Variants in SKIDA1 observed in about 807,000 individuals in gnomAD.
SKIDA1 encodes the protein SKI/DACH domain containing 1.
A neutral mutation model predicts 51.4 loss-of-function variants in SKIDA1; 18 were observed. The observed-to-expected ratio is 0.35, with a 90% confidence interval of 0.24 to 0.52. The LOEUF (loss-of-function observed/expected upper bound fraction) is 0.52. SKIDA1 is among the 20% of genes least tolerant of loss of function. The pLI is 0.95. For synonymous variants in SKIDA1, 579 were observed against 500.5 expected (o/e 1.16, Z -2.09); for missense variants, 1,104 against 1,180.6 (o/e 0.94, Z 0.95).
rs1443483984 is a variant in SKIDA1 at position 21,518,826 on chromosome 10, C to T, written c.-1004G>A. ...CGTGAACCACCCCAGTGCGGACTTA[C>T]GTTTGGAATTTCTCTCGATTTTCCT... On this transcript the variant is annotated 5_prime_UTR_variant, in exon 4 of 4. Transcript: ENST00000449193. 4.3e-5 allele frequency: 7 copies of T among 162,500 alleles called. No individual in the cohort carries two copies. Among genetic ancestry groups the T allele is most frequent in the Admixed American group, 4.1e-4 (6 of 14,784 alleles). The allele number at this position is 162,500 out of a possible 1,614,324, so 10.1% of individuals were successfully genotyped here. A position where few individuals can be genotyped will look rare whatever the true frequency, so the allele number is the denominator to read the frequency against.
chr10:21,523,617 T>C (rs978813710), intron 2 of SKIDA1, 66 bp downstream of exon 2: 1 of 152,220 alleles, frequency 6.6e-6, no homozygotes, highest in Non-Finnish European at 1.5e-5. Context: ...CCCAAGTTTT[T>C]GTTTATTTTA....
chr10:21,517,229 G>A lies in SKIDA1; in HGVS notation c.594C>T (p.Ala198=). Residue 198 remains alanine (A), a synonymous_variant, in exon 4 of 4, where the codon GCC becomes GCT. Coordinates refer to ENST00000449193, the MANE Select transcript of SKIDA1 (RefSeq NM_207371.4). This position sits in a 1 kb window ranked among gnomAD's most constrained non-coding sequence, Gnocchi z 6.9. ...PCKPPLNYET[A]PLQGNYVAFP... ...AGGCGACGTAGTTTCCCTGGAGCGGGGCAGTTTCATAGTTTAGAGGGGGTT... is the reference window on the plus strand; with the variant it reads ...AGGCGACGTAGTTTCCCTGGAGCGGAGCAGTTTCATAGTTTAGAGGGGGTT... The A allele has an allele frequency of 1.4e-6, 2 of 1,464,948 alleles. No individual in the cohort carries two copies. Among genetic ancestry groups the A allele is most frequent in the Non-Finnish European group, 1.8e-6 (2 of 1,103,718 alleles). 90.7% of individuals were successfully genotyped at this position (1,464,948 alleles called of 1,614,324 possible). A position where few individuals can be genotyped will look rare whatever the true frequency, so the allele number is the denominator to read the frequency against.
rs777960361 is a variant in SKIDA1, at chr10:21,516,117, A to C, written c.1706T>G (p.Leu569Arg). 8 of 1,614,042 alleles carry C rather than the reference A, an allele frequency of 5.0e-6. No individual in the cohort carries two copies. The East Asian group carries it at 1.8e-4, about 36-fold the overall frequency. Reference protein sequence around the residue: ...EISNAVKRTDLTINCLAEGAS... With the variant: ...EISNAVKRTDRTINCLAEGAS... ...CCCCTCTGCCAGGCAGTTAATTGTC[A>C]GGTCAGTTCTCTTTACAGCATTGGA... The change falls in exon 4 of 4, where the codon CTG becomes CGG. Residue 569 changes from leucine (L) to arginine (R), a missense_variant. Physicochemically the swap from Leu to Arg is moderately radical, Grantham distance 102. Transcript: ENST00000449193. This position sits in a 1 kb window ranked among gnomAD's most constrained non-coding sequence, Gnocchi z 5.7.
chr10:21,517,289 G>T lies in SKIDA1; in HGVS notation c.534C>A (p.Gly178=), dbSNP rs2032270648. ...AGCGCACGATCTCCGGGTAGTGCGA[G>T]CCGGGGTATTTGCTAAAAATCTGAG... ...HLPQIFSKYP[G]SHYPEIVRSP... is the part of the protein sequence containing the mutation. Residue 178 remains glycine (G), a synonymous_variant, in exon 4 of 4, where the codon GGC becomes GGA. Coordinates refer to ENST00000449193, the MANE Select transcript of SKIDA1 (RefSeq NM_207371.4). This position sits in a 1 kb window ranked among gnomAD's most constrained non-coding sequence, Gnocchi z 6.9. The T allele has an allele frequency of 2.7e-6, 4 of 1,467,842 alleles. No individual in the cohort carries two copies. The highest frequency in any genetic ancestry group is 3.6e-6 in the Non-Finnish European group (4 of 1,107,364). 90.9% of individuals were successfully genotyped at this position (1,467,842 alleles called of 1,614,324 possible). A position where few individuals can be genotyped will look rare whatever the true frequency, so the allele number is the denominator to read the frequency against.
rs1564332950 is a variant in SKIDA1 at position 21,515,874 on chromosome 10, G to C, written c.1949C>G (p.Ser650Cys). The C allele has an allele frequency of 1.2e-6, 2 of 1,614,072 alleles. No individual in the cohort carries two copies. The highest frequency in any genetic ancestry group is 1.1e-5 in the South Asian group (1 of 91,082). The change falls in exon 4 of 4, where the codon TCT becomes TGT. Residue 650 changes from serine to cysteine, a missense_variant. By Grantham distance (112) the Ser-to-Cys change is moderately radical. Transcript: ENST00000449193. ...HCPEFATDLPSSQTDPEVNAA... is the reference protein window; with the variant it reads ...HCPEFATDLPCSQTDPEVNAA... ...GTTCACTTCAGGATCAGTCTGCGAA[G>C]AGGGCAAATCCGTAGCAAATTCAGG...
chr10:21,519,832 A>G (rs2032343318), intron 3 of SKIDA1, among the ~76,000 whole-genome samples, 174 bp from the exon 4 acceptor site: 1 of 150,586 alleles, frequency 6.6e-6, no homozygotes, highest in East Asian at 2.0e-4. Context: ...AATCTCGGCC[A>G]TAATTCCCCA....
Position 21,516,348 on chromosome 10 carries a change from G to C in SKIDA1, c.1475C>G (p.Ala492Gly), listed in dbSNP as rs1359865067. ...CTCGAAAGCAGCGGGTTTGGTTGCA[G>C]CGGCGGCGGAGGCCAGATGGTACAA... ...NFLYHLASAA[A>G]ATKPAAFEDA... is the part of the protein sequence containing the mutation. The change falls in exon 4 of 4, where the codon GCT becomes GGT. Residue 492 changes from alanine (A) to glycine (G), a missense_variant. Ala to Gly is a moderately conservative substitution (Grantham distance 60, BLOSUM62 0). This residue lies in a region of SKIDA1 where 938 missense variants were observed against 886.4 expected (regional missense o/e 1.06). Transcript: ENST00000449193. The surrounding 1 kb of genome is among the most constrained non-coding windows in gnomAD (Gnocchi z 5.7). 3.1e-6 allele frequency: 5 copies of C among 1,613,494 alleles called. No homozygotes were observed. The highest frequency in any genetic ancestry group is 4.2e-6 in the Non-Finnish European group (5 of 1,179,900).
chr10:21,515,875 A>C lies in SKIDA1; in HGVS notation c.1948T>G (p.Ser650Ala). The change falls in exon 4 of 4, where the codon TCT becomes GCT. Residue 650 changes from serine (S) to alanine (A), a missense_variant. By Grantham distance (99) the Ser-to-Ala change is moderately conservative. This residue lies in a region of SKIDA1 where 938 missense variants were observed against 886.4 expected (regional missense o/e 1.06). Transcript: ENST00000449193. ...HCPEFATDLP[S>A]SQTDPEVNAA... The stretch of plus-strand genomic sequence containing the variant: ...TTCACTTCAGGATCAGTCTGCGAAG[A>C]GGGCAAATCCGTAGCAAATTCAGGA... The C allele has an allele frequency of 1.9e-6, 3 of 1,614,080 alleles. No individual in the cohort carries two copies. The highest frequency in any genetic ancestry group is 2.5e-6 in the Non-Finnish European group (3 of 1,179,906).
intron 2 of SKIDA1, among the ~76,000 whole-genome samples, chr10:21,523,428 C>T (rs61850020): frequency 0.012 from 1,753 of 152,280 alleles, 16 homozygotes; most frequent in Non-Finnish European, 0.018. Context: ...AGCCACTTTT[C>T]CTACTGCAAC....
rs1310144470 is a variant in SKIDA1 at position 21,516,769 on chromosome 10, G to T, written c.1054C>A (p.Arg352=). The T allele has an allele frequency of 3.4e-5, 52 of 1,519,612 alleles. No homozygotes were observed. The highest frequency in any genetic ancestry group is 1.8e-5 in the Non-Finnish European group (20 of 1,134,270). The allele number at this position is 1,519,612 out of a possible 1,614,324, so 94.1% of individuals were successfully genotyped here. A position where few individuals can be genotyped will look rare whatever the true frequency, so the allele number is the denominator to read the frequency against. ...HHHHHHHHHH[R]AQPPQQSHHP... is the part of the protein sequence containing the mutation. ...TGACTCTGCTGCGGCGGCTGGGCCC[G>T]GTGGTGGTGGTGGTGGTGGTGATGG... Residue 352 remains arginine (R), a synonymous_variant, in exon 4 of 4, where the codon CGG becomes AGG. Transcript: ENST00000449193. This position sits in a 1 kb window ranked among gnomAD's most constrained non-coding sequence, Gnocchi z 5.7.
chr10:21,516,315 C>T lies in SKIDA1; in HGVS notation c.1508G>A (p.Gly503Asp). Residue 503 changes from glycine (G) to aspartate (D), a missense_variant, in exon 4 of 4, where the codon GGC becomes GAC. Physicochemically the swap from Gly to Asp is moderately conservative, Grantham distance 94. Around this residue, in one of 3 missense-constraint regions of SKIDA1, gnomAD observed 938 missense variants for 886.4 expected, o/e 1.06. Transcript: ENST00000449193. This position sits in a 1 kb window ranked among gnomAD's most constrained non-coding sequence, Gnocchi z 5.7. ...ATKPAAFEDA[G>D]RLPDLKSSVK... ...ACTACTCTTGAGGTCGGGAAGTCTG[C>T]CGGCATCCTCGAAAGCAGCGGGTTT... 1 of 1,613,678 alleles carries T rather than the reference C, an allele frequency of 6.2e-7. No homozygotes were observed. The highest frequency in any genetic ancestry group is 8.5e-7 in the Non-Finnish European group (1 of 1,179,880).
Position 21,514,922 on chromosome 10 carries a change from A to C in SKIDA1, c.*174T>G. ...ACCCCGCCCCCACCCTACTCCAGAA[A>C]AAAAAAAAAAAACCCGCAACGGAAA... On this transcript the variant is annotated 3_prime_UTR_variant, in exon 4 of 4. Transcript: ENST00000449193. 2 of 570,862 alleles carry C rather than the reference A, an allele frequency of 3.5e-6. No individual in the cohort carries two copies. Among genetic ancestry groups the C allele is most frequent in the Non-Finnish European group, 4.7e-6 (2 of 425,714 alleles). The allele number at this position is 570,862 out of a possible 1,614,324, so 35.4% of individuals were successfully genotyped here.
In SKIDA1 at chr10:21,524,357, G is replaced by A. The variant is rs555330992; in HGVS notation, c.-2117-486C>T. Among the ~76,000 whole-genome samples the A allele has an allele frequency of 3.2e-4, 48 of 152,184 alleles. No individual in the cohort carries two copies. The South Asian group carries it at 8.1e-3, about 26-fold the overall frequency. On this transcript the variant is annotated intron_variant, in intron 1 of 3. Transcript: ENST00000449193. The stretch of plus-strand genomic sequence containing the variant: ...ATCTGTCTAAGCAGCGCATTGCTAA[G>A]TATAAACTTAAAAAAATTTTTTTTT...
rs2032392633 is a variant in SKIDA1, at chr10:21,521,450, T to C, written c.-1898A>G. On this transcript the variant is annotated 5_prime_UTR_variant, in exon 3 of 4. Transcript: ENST00000449193. ...ATTCTTCAAAAGCCAGGGGGTTTCT[T>C]TGATAAATTTGTTGACCATGTCAGC... is the stretch of plus-strand genomic sequence containing the variant. 1 of 152,670 alleles carries C rather than the reference T, an allele frequency of 6.6e-6. No individual in the cohort carries two copies. Among genetic ancestry groups the C allele is most frequent in the East Asian group, 1.9e-4 (1 of 5,204 alleles). The allele number at this position is 152,670 out of a possible 1,614,324, so 9.5% of individuals were successfully genotyped here.
At chr10:21,521,275 T>C (rs1481724943) in intron 3 of SKIDA1, 114 bp downstream of exon 3, 1 of 152,426 alleles carries the variant, frequency 6.6e-6, no homozygotes, top group Non-Finnish European at 1.5e-5. Context: ...GATCAATAGC[T>C]ACCAACATTT....
At position 21,517,883 on chromosome 10, in the gene SKIDA1, A is replaced by G. The variant is rs1015442172; in HGVS notation, c.-61T>C. ...ATATATACGTGACGCATACATACACATGTATGTATGTTAATCCTCAGCCAG... is the reference window on the plus strand; with the variant it reads ...ATATATACGTGACGCATACATACACGTGTATGTATGTTAATCCTCAGCCAG... On this transcript the variant is annotated 5_prime_UTR_variant, in exon 4 of 4. An upstream start codon of the reference 5' UTR is lost. Transcript: ENST00000449193. The surrounding 1 kb of genome is among the most constrained non-coding windows in gnomAD (Gnocchi z 6.9). 20 of 1,358,126 alleles carry G rather than the reference A, an allele frequency of 1.5e-5. No homozygotes were observed. Among genetic ancestry groups the G allele is most frequent in the Non-Finnish European group, 1.9e-5 (19 of 994,068 alleles). The allele number at this position is 1,358,126 out of a possible 1,614,324, so 84.1% of individuals were successfully genotyped here. A position where few individuals can be genotyped will look rare whatever the true frequency, so the allele number is the denominator to read the frequency against.
chr10:21,516,417 G>A lies in SKIDA1; in HGVS notation c.1406C>T (p.Thr469Ile). ...VSVQSIRFRRTSFCKPPSVQA... is the reference protein window; with the variant it reads ...VSVQSIRFRRISFCKPPSVQA... ...CACGCTGGGAGGCTTGCAGAAGCTG[G>A]TGCGCCTGAATCGGATGCTCTGCAC... Residue 469 changes from threonine to isoleucine, a missense_variant, in exon 4 of 4, where the codon ACC (threonine) becomes ATC (isoleucine). Thr to Ile is a moderately conservative substitution (Grantham distance 89). Coordinates refer to ENST00000449193, the MANE Select transcript of SKIDA1 (RefSeq NM_207371.4). The surrounding 1 kb of genome is among the most constrained non-coding windows in gnomAD (Gnocchi z 5.7). 10 of 1,613,464 alleles carry A rather than the reference G, an allele frequency of 6.2e-6. No homozygotes were observed. The highest frequency in any genetic ancestry group is 8.5e-6 in the Non-Finnish European group (10 of 1,179,900).
intron 2 of SKIDA1, among the ~76,000 whole-genome samples, chr10:21,522,437 G>A (rs2032429272): frequency 6.6e-6 from 1 of 152,054 alleles, no homozygotes; most frequent in Non-Finnish European, 1.5e-5. Flanking sequence ...AGCCCCTTGT[G>A]CTATTAACTA....
chr10:21,521,110 C>T lies in SKIDA1; in HGVS notation c.-1837+279G>A, dbSNP rs545724399. Among the ~76,000 whole-genome samples the T allele has an allele frequency of 7.8e-5, 11 of 140,368 alleles. No homozygotes were observed. In the East Asian group the frequency reaches 2.2e-3, roughly 28 times the overall value. The allele number at this position is 140,368 out of a possible 152,430, so 92.1% of individuals were successfully genotyped here. On this transcript the variant is annotated intron_variant, in intron 3 of 3. Coordinates refer to ENST00000449193, the MANE Select transcript of SKIDA1 (RefSeq NM_207371.4). ...CACAAACACAGAATGTGACAGACAG[C>T]TTTCTTGGGCCATCAGCACACGTTG...
Sources: allele counts gnomAD v4.1 joint callset (sites outside exome capture counted in the v4.1 genomes callset), GRCh38; gene constraint gnomAD v4.1.1; regional missense constraint gnomAD v4.1.1; non-coding constraint Gnocchi (gnomAD v3.1); transcripts MANE v1.5; gene names NCBI Gene and HGNC (gene_info 2026-07-23, HGNC 2026-07-21).